CRTAC1: variants seen among roughly 807,000 people sequenced by gnomAD.
The protein encoded by CRTAC1 is cartilage acidic protein 1, also known as acidic secreted protein in cartilage.
CRTAC1 carries 37 observed loss-of-function variants against 67.8 expected under a neutral mutation model. The observed-to-expected ratio is 0.55, with a 90% CI of 0.42 to 0.72. The LOEUF (loss-of-function observed/expected upper bound fraction) is 0.72, where lower values mean the gene tolerates loss of function less well. CRTAC1 is among the 30% of genes least tolerant of loss of function. The pLI is 0.00. For synonymous variants in CRTAC1, 348 were observed against 371.0 expected (o/e 0.94, Z 0.71); for missense variants, 780 against 931.6 (o/e 0.84, Z 2.12).
chr10:97,920,078 T>C (rs908418335), intron 4 of CRTAC1, among the ~76,000 whole-genome samples: 1 of 152,166 alleles, frequency 6.6e-6, no homozygotes, highest in South Asian at 2.1e-4. Context: ...GGGGAGAACT[T>C]TGAGAAGTTC....
intron 2 of CRTAC1, among the ~76,000 whole-genome samples, chr10:97,980,994 T>C (rs1444295720): frequency 6.6e-6 from 1 of 152,184 alleles, no homozygotes; most frequent in Admixed American, 6.5e-5. Flanking sequence ...ATCTGCAGAA[T>C]CCCTGTGATT....
chr10:97,913,311 T>C (rs1250806778), intron 5 of CRTAC1, among the ~76,000 whole-genome samples: 6 of 152,128 alleles, frequency 3.9e-5, no homozygotes, highest in African/African-American at 1.4e-4. Flanking sequence ...AGGACTTGAC[T>C]GTGTGGCGGG....
At chr10:98,026,244 G>C (rs566871970) in intron 1 of CRTAC1, among the ~76,000 whole-genome samples, 3 of 152,276 alleles carry the variant, frequency 2.0e-5, no homozygotes, top group Admixed American at 6.5e-5. Flanking sequence ...AGGTTAAGTG[G>C]TTTGTTTAAG....
intron 11 of CRTAC1, among the ~76,000 whole-genome samples, chr10:97,890,537 T>A (rs1452023179): frequency 6.6e-6 from 1 of 152,214 alleles, no homozygotes; most frequent in Admixed American, 6.5e-5. Context: ...TGACACGTAA[T>A]AAAGGCATAT....
intron 2 of CRTAC1, among the ~76,000 whole-genome samples, chr10:98,005,705 TTAAAA>T (rs1842777163): frequency 1.3e-5 from 2 of 151,504 alleles, no homozygotes; most frequent in Admixed American, 6.6e-5. Flanking sequence ...CTATATATAC[TTAAAA>T]TAAAATGCAT....
At chr10:97,959,840 G>A (rs556383748) in intron 2 of CRTAC1, among the ~76,000 whole-genome samples, 62 of 152,176 alleles carry the variant, frequency 4.1e-4, no homozygotes, top group Non-Finnish European at 7.6e-4. Context: ...GGTTAATAGG[G>A]GTTTGGCACA....
Position 97,882,833 on chromosome 10 carries a change from A to C in CRTAC1, c.1633-5T>G, listed in dbSNP as rs770274280. On this transcript the variant is annotated splice_region_variant and splice_polypyrimidine_tract_variant and intron_variant, in intron 12 of 14. Coordinates refer to ENST00000370597, the MANE Select transcript of CRTAC1 (RefSeq NM_018058.7). ...CTGGGAGAATCCTTGGCCACACTGT[A>C]AGGTGGGCAGAAGCAGAGACATGAG... The C allele has an allele frequency of 6.2e-7, 1 of 1,614,120 alleles. No homozygotes were observed. The highest frequency in any genetic ancestry group is 8.5e-7 in the Non-Finnish European group (1 of 1,179,982).
At chr10:98,016,558 T>C (rs1843002342) in intron 1 of CRTAC1, among the ~76,000 whole-genome samples, 1 of 152,046 alleles carries the variant, frequency 6.6e-6, no homozygotes, top group Non-Finnish European at 1.5e-5. Context: ...TATGAGACTC[T>C]AGGCTGGCGG....
chr10:97,908,286 C>T lies in CRTAC1; in HGVS notation c.716-139G>A, dbSNP rs957041431. The T allele has an allele frequency of 1.2e-5, 10 of 841,426 alleles. No individual in the cohort carries two copies. In the African/African-American group the frequency reaches 1.7e-4, roughly 14 times the overall value. 52.1% of individuals were successfully genotyped at this position (841,426 alleles called of 1,614,324 possible). A position where few individuals can be genotyped will look rare whatever the true frequency, so the allele number is the denominator to read the frequency against. ...CCTGGGGGGAATTCTGCTTCCCGTG[C>T]TTTCCTGAGCCTAAATCTGGGCTCA... is the stretch of plus-strand genomic sequence containing the variant. On this transcript the variant is annotated intron_variant, in intron 5 of 14. Transcript: ENST00000370597.
intron 2 of CRTAC1, among the ~76,000 whole-genome samples, chr10:97,997,888 T>C (rs1432998494): frequency 6.6e-6 from 1 of 152,168 alleles, no homozygotes; most frequent in Non-Finnish European, 1.5e-5. Context: ...GTGAGAACAG[T>C]TAAGAAACTT....
chr10:98,002,390 T>G (rs905059249), intron 2 of CRTAC1, among the ~76,000 whole-genome samples: 4 of 152,088 alleles, frequency 2.6e-5, no homozygotes, highest in African/African-American at 9.7e-5. Context: ...CAAAAACAAA[T>G]AAGCCTAAAA....
chr10:97,913,116 G>C (rs1015256065), intron 5 of CRTAC1, among the ~76,000 whole-genome samples: 1 of 140,000 alleles, frequency 7.1e-6, no homozygotes, highest in African/African-American at 2.9e-5. Context: ...AATGGGCACA[G>C]AGAGAGAGAG....
chr10:97,950,220 T>G, intron 2 of CRTAC1, among the ~76,000 whole-genome samples: 1 of 148,800 alleles, frequency 6.7e-6, no homozygotes, highest in African/African-American at 2.5e-5. Context: ...AGCTGTTGGT[T>G]TTGCATGTAC....
At chr10:97,930,979 G>A (rs1339150605) in intron 3 of CRTAC1, among the ~76,000 whole-genome samples, 1 of 150,644 alleles carries the variant, frequency 6.6e-6, no homozygotes, top group East Asian at 1.9e-4. Flanking sequence ...TATAGACAAA[G>A]GGCTAATTCC....
chr10:97,944,911 C>T (rs1290913433), intron 2 of CRTAC1, among the ~76,000 whole-genome samples: 1 of 152,228 alleles, frequency 6.6e-6, no homozygotes, highest in Non-Finnish European at 1.5e-5. Flanking sequence ...ATCTTCCAGC[C>T]TAGCTCACTG....
intron 1 of CRTAC1, among the ~76,000 whole-genome samples, chr10:98,017,700 A>ATTT (rs397846855): frequency 9.3e-5 from 12 of 129,182 alleles, no homozygotes; most frequent in African/African-American, 3.4e-4. Context: ...ACTCCTGGCT[A>ATTT]TTTTTTTTTT....
intron 2 of CRTAC1, among the ~76,000 whole-genome samples, chr10:97,945,762 T>C (rs185943793): frequency 1.3e-5 from 2 of 152,168 alleles, no homozygotes; most frequent in Admixed American, 6.5e-5. Context: ...CTGAAGAAGG[T>C]AACTTTAAGA....
chr10:97,883,797 C>G (rs948051813), intron 12 of CRTAC1, among the ~76,000 whole-genome samples: 1 of 152,234 alleles, frequency 6.6e-6, no homozygotes, highest in African/African-American at 2.4e-5. Context: ...GGTGCAGGCT[C>G]TGAGCCCCAC....
At chr10:97,873,059 G>A (rs903160018) in intron 14 of CRTAC1, among the ~76,000 whole-genome samples, 1 of 152,188 alleles carries the variant, frequency 6.6e-6, no homozygotes, top group African/African-American at 2.4e-5. Flanking sequence ...GTACCTTATA[G>A]GCTCGAGGAA....
Sources: allele counts gnomAD v4.1 joint callset (sites outside exome capture counted in the v4.1 genomes callset), GRCh38; gene constraint gnomAD v4.1.1; transcripts MANE v1.5; gene names NCBI Gene and HGNC (gene_info 2026-07-23, HGNC 2026-07-21).